The following CADPS2 variants were observed in gnomAD, a reference collection of about 807,000 sequenced individuals.
CADPS2 encodes the protein calcium dependent secretion activator 2.
Under a neutral mutation model 172.5 loss-of-function variants are expected in CADPS2, and 93 were observed. The ratio of observed to expected loss-of-function variants is 0.54; its 90% CI spans 0.46 to 0.64. The LOEUF is 0.64. CADPS2 is among the 30% of genes least tolerant of loss of function. The pLI, the probability that CADPS2 is intolerant of heterozygous loss-of-function variation, is 0.00. For missense variants in CADPS2, 1,420 were observed against 1,565.9 expected (o/e 0.91, Z 1.57); for synonymous variants, 546 against 555.2 (o/e 0.98, Z 0.23).
chr7:122,427,752 T>G (rs1164258316), intron 17 of CADPS2, among the ~76,000 whole-genome samples: 1 of 152,126 alleles, frequency 6.6e-6, no homozygotes, highest in African/African-American at 2.4e-5. Context: ...CTAAGTTGAC[T>G]TAGTTATTCA....
chr7:122,673,834 G>A (rs1414901022), intron 2 of CADPS2, among the ~76,000 whole-genome samples: 1 of 151,890 alleles, frequency 6.6e-6, no homozygotes, highest in East Asian at 1.9e-4. Flanking sequence ...ACCTAGGGCG[G>A]CAGATGGGAC....
intron 2 of CADPS2, among the ~76,000 whole-genome samples, chr7:122,671,173 C>A (rs181341913): frequency 9.9e-4 from 150 of 152,224 alleles, no homozygotes; most frequent in African/African-American, 3.0e-3. Context: ...AAATTTAATT[C>A]TTATCTCTTT....
At chr7:122,824,655 G>T (rs1487380743) in intron 1 of CADPS2, among the ~76,000 whole-genome samples, 2 of 152,100 alleles carry the variant, frequency 1.3e-5, no homozygotes, top group East Asian at 3.8e-4. Context: ...TAGGCTGCAT[G>T]TTTTTTCCAA....
intron 6 of CADPS2, among the ~76,000 whole-genome samples, chr7:122,599,779 T>C (rs2072471225): frequency 6.6e-6 from 1 of 152,094 alleles, no homozygotes; most frequent in African/African-American, 2.4e-5. Context: ...ATGTTACATA[T>C]AATATGAAAT....
chr7:122,629,134 T>C, intron 4 of CADPS2, 114 bp downstream of exon 4: 1 of 710,612 alleles, frequency 1.4e-6, no homozygotes, highest in Non-Finnish European at 2.2e-6. Flanking sequence ...GAGGAGAAAA[T>C]GTTAAAATTA....
At chr7:122,844,975 T>C (rs1357222347) in intron 1 of CADPS2, among the ~76,000 whole-genome samples, 2 of 152,152 alleles carry the variant, frequency 1.3e-5, no homozygotes, top group African/African-American at 2.4e-5. Context: ...AATCATCCTA[T>C]AAGCTTATAG....
intron 12 of CADPS2, among the ~76,000 whole-genome samples, chr7:122,479,696 TAAGCA>T (rs2057071367): frequency 6.6e-6 from 1 of 152,140 alleles, no homozygotes; most frequent in Non-Finnish European, 1.5e-5. Flanking sequence ...GAATTACAAA[TAAGCA>T]AAGTAAACCA....
chr7:122,739,541 C>T (rs924588773), intron 1 of CADPS2, among the ~76,000 whole-genome samples: 1 of 152,054 alleles, frequency 6.6e-6, no homozygotes, highest in African/African-American at 2.4e-5. Context: ...TTGGAAGCTC[C>T]AACAAAGTTG....
intron 2 of CADPS2, chr7:122,698,104 A>G: frequency 6.2e-7 from 1 of 1,614,060 alleles, no homozygotes; most frequent in Non-Finnish European, 8.5e-7. Flanking sequence ...TTTACAAGTC[A>G]GAATACGAAC....
intron 1 of CADPS2, among the ~76,000 whole-genome samples, chr7:122,868,421 C>T (rs1304810537): frequency 2.6e-5 from 4 of 152,120 alleles, no homozygotes. Flanking sequence ...ATATATTTAA[C>T]ATTCTAACCT....
At chr7:122,452,017 C>T (rs2053184662) in intron 14 of CADPS2, among the ~76,000 whole-genome samples, 1 of 152,006 alleles carries the variant, frequency 6.6e-6, no homozygotes, top group Admixed American at 6.6e-5. Context: ...TTAAAATATA[C>T]AGGGAAGAGA....
At chr7:122,837,274 A>G (rs541683272) in intron 1 of CADPS2, among the ~76,000 whole-genome samples, 3 of 152,348 alleles carry the variant, frequency 2.0e-5, no homozygotes, top group South Asian at 4.1e-4. Context: ...GACACATTTA[A>G]AGCAGTGGGT....
chr7:122,726,106 A>C (rs1456538116), intron 2 of CADPS2, among the ~76,000 whole-genome samples: 1 of 151,924 alleles, frequency 6.6e-6, no homozygotes, highest in African/African-American at 2.4e-5. Flanking sequence ...TTCAGAGGCA[A>C]AAGAATGCTT....
intron 28 of CADPS2, among the ~76,000 whole-genome samples, chr7:122,337,331 T>C (rs1193153090): frequency 2.0e-5 from 3 of 152,222 alleles, no homozygotes; most frequent in Non-Finnish European, 2.9e-5. Flanking sequence ...AGGTGCCTCA[T>C]GCAAAGATGT....
At chr7:122,415,817 TAC>T (rs1299177212) in intron 18 of CADPS2, among the ~76,000 whole-genome samples, 2 of 152,170 alleles carry the variant, frequency 1.3e-5, no homozygotes. Context: ...CATGAAATTA[TAC>T]ACACACACAA....
chr7:122,332,175 TC>T, intron 28 of CADPS2: 1 of 152,302 alleles, frequency 6.6e-6, no homozygotes, highest in South Asian at 2.1e-4. Context: ...GTAAATAAAT[TC>T]TTTGAAGAAT....
At chr7:122,649,003 A>G (rs1309301616) in intron 3 of CADPS2, among the ~76,000 whole-genome samples, 2 of 152,040 alleles carry the variant, frequency 1.3e-5, no homozygotes, top group Non-Finnish European at 2.9e-5. Context: ...CATTCTTCAG[A>G]TCACAGAGAA....
chr7:122,613,778 T>C (rs913538447), intron 6 of CADPS2, among the ~76,000 whole-genome samples: 3 of 151,994 alleles, frequency 2.0e-5, no homozygotes, highest in African/African-American at 7.2e-5. Context: ...AAATATATAC[T>C]GTGACTAGGT....
intron 1 of CADPS2, among the ~76,000 whole-genome samples, chr7:122,802,870 C>T (rs1380885659): frequency 2.6e-5 from 4 of 152,140 alleles, no homozygotes; most frequent in African/African-American, 4.8e-5. Context: ...GCAAATGGAA[C>T]GTAGAGCACA....
Sources: allele counts gnomAD v4.1 joint callset (sites outside exome capture counted in the v4.1 genomes callset), GRCh38; gene constraint gnomAD v4.1.1; transcripts MANE v1.5; gene names NCBI Gene and HGNC (gene_info 2026-07-23, HGNC 2026-07-21).